The following MLPH variants were observed in gnomAD, a reference collection of about 807,000 sequenced individuals.
The protein encoded by MLPH is exophilin-3.
A neutral mutation model predicts 72.1 loss-of-function variants in MLPH; 51 were observed. The ratio of observed to expected loss-of-function variants is 0.71; its 90% CI spans 0.56 to 0.89. The LOEUF (loss-of-function observed/expected upper bound fraction) is 0.89, where lower values mean the gene tolerates loss of function less well. Among genes scored for constraint, MLPH ranks in the 40% least tolerant of loss-of-function variants. The pLI, the probability that MLPH is intolerant of heterozygous loss-of-function variation, is 0.00. For synonymous variants in MLPH, 301 were observed against 310.1 expected, an observed-to-expected ratio of 0.97 and a Z score of 0.31; for missense variants, 743 against 759.9, an observed-to-expected ratio of 0.98 and a Z score of 0.26.
Position 237,519,988 on chromosome 2 carries a change from C to A in MLPH, c.634C>A (p.Leu212Met), listed in dbSNP as rs145871473. The change falls in exon 6 of 16, where the codon CTG (leucine) becomes ATG (methionine). Residue 212 changes from leucine (L) to methionine (M), a missense_variant. By Grantham distance (15) the Leu-to-Met change is conservative. Coordinates refer to ENST00000264605, the MANE Select transcript of MLPH (RefSeq NM_024101.7). Reference sequence around the variant, plus strand: ...CTCCACTCAGCCTCAAGGTCACTCCCTGCACCTGTCCTCAGTCCCTGAGGC... The same window carrying A: ...CTCCACTCAGCCTCAAGGTCACTCCATGCACCTGTCCTCAGTCCCTGAGGC... ...DDSTQPQGHSLHLSSVPEARD... is the reference protein window; with the variant it reads ...DDSTQPQGHSMHLSSVPEARD... 6.2e-7 allele frequency: 1 copy of A among 1,614,088 alleles called. No homozygotes were observed. The highest frequency in any genetic ancestry group is 2.2e-5 in the East Asian group (1 of 44,878).
intron 2 of MLPH, among the ~76,000 whole-genome samples, chr2:237,496,217 A>G (rs1210900153): frequency 6.6e-6 from 1 of 152,164 alleles, no homozygotes; most frequent in Non-Finnish European, 1.5e-5. Context: ...TCATTGCCTG[A>G]GTATAGGCGA....
intron 2 of MLPH, among the ~76,000 whole-genome samples, chr2:237,503,790 C>CTG (rs1171329442): frequency 2.0e-5 from 3 of 152,184 alleles, no homozygotes; most frequent in Non-Finnish European, 2.9e-5. Flanking sequence ...CCCCTACAGG[C>CTG]TGTGGGGATG....
In MLPH at chr2:237,554,739, C is replaced by A. The variant is rs975870667; in HGVS notation, c.*1147C>A. On this transcript the variant is annotated 3_prime_UTR_variant, in exon 16 of 16. Coordinates refer to ENST00000264605, the MANE Select transcript of MLPH (RefSeq NM_024101.7). ...AAGCCTTGTGTCTTCAAGCATTGAC[C>A]AAGTTAAGTGTTTCCTTCCCTCTCT... 4 of 152,130 alleles carry A rather than the reference C, an allele frequency of 2.6e-5. No homozygotes were observed. Among genetic ancestry groups the A allele is most frequent in the Admixed American group, 2.0e-4 (3 of 15,272 alleles). The allele number at this position is 152,130 out of a possible 1,614,324, so 9.4% of individuals were successfully genotyped here.
At chr2:237,548,820 A>G (rs1195190046) in intron 13 of MLPH, among the ~76,000 whole-genome samples, 1 of 152,222 alleles carries the variant, frequency 6.6e-6, no homozygotes, top group Non-Finnish European at 1.5e-5. Context: ...CGGAGCTTGC[A>G]GTGAGCCGCG....
intron 9 of MLPH, among the ~76,000 whole-genome samples, chr2:237,535,270 A>C (rs1214524377): frequency 1.3e-5 from 2 of 152,088 alleles, no homozygotes; most frequent in Non-Finnish European, 2.9e-5. Context: ...GGAATGAATA[A>C]CAAATTCATT....
intron 6 of MLPH, among the ~76,000 whole-genome samples, chr2:237,520,698 A>T (rs574653371): frequency 1.9e-4 from 29 of 152,224 alleles, no homozygotes; most frequent in African/African-American, 5.5e-4. Context: ...TAGGAGTAGG[A>T]TTAGAAGGGA....
chr2:237,538,188 G>A (rs984607661), intron 9 of MLPH, among the ~76,000 whole-genome samples: 1 of 152,200 alleles, frequency 6.6e-6, no homozygotes, highest in Non-Finnish European at 1.5e-5. Context: ...ATCTGGGAGA[G>A]GCAGGAAACA....
At position 237,512,295 on chromosome 2, in the gene MLPH, C is replaced by T. The variant is rs2079921722; in HGVS notation, c.445+1194C>T. 6.6e-6 allele frequency among the ~76,000 whole-genome samples: 1 copy of T among 152,234 alleles called. No homozygotes were observed. The highest frequency in any genetic ancestry group is 6.5e-5 in the Admixed American group (1 of 15,288). ...GCATAGACACCTTTGAGCATTCAAG[C>T]TCTCGCCGGGCCTGCTGCAGGCATT... On this transcript the variant is annotated intron_variant, in intron 4 of 15. Coordinates refer to ENST00000264605, the MANE Select transcript of MLPH (RefSeq NM_024101.7). This position sits in a 1 kb window ranked among gnomAD's most constrained non-coding sequence, Gnocchi z 5.5.
At position 237,537,167 on chromosome 2, in the gene MLPH, G is replaced by A. The variant is rs1055650726; in HGVS notation, c.1104+2520G>A. Among the ~76,000 whole-genome samples the A allele has an allele frequency of 1.3e-5, 2 of 152,242 alleles. 1 individual carries two copies. Among genetic ancestry groups the A allele is most frequent in the South Asian group, 4.1e-4 (2 of 4,836 alleles). ...ATCCCTGGCAAACAAGGACGAGTTA[G>A]TCACCCTGGCTGTGTCCCGCCATGC... is the stretch of plus-strand genomic sequence containing the variant. On this transcript the variant is annotated intron_variant, in intron 9 of 15. Transcript: ENST00000264605.
chr2:237,513,222 G>A (rs2079944772), intron 4 of MLPH, among the ~76,000 whole-genome samples: 1 of 152,196 alleles, frequency 6.6e-6, no homozygotes, highest in South Asian at 2.1e-4. Flanking sequence ...GGTCTTCATT[G>A]AGTGAACCTT....
chr2:237,526,796 G>C (rs1305999345), intron 7 of MLPH, among the ~76,000 whole-genome samples: 1 of 152,190 alleles, frequency 6.6e-6, no homozygotes. Context: ...TGGTAAGAAA[G>C]GGGTATGCTT....
rs2106381786 is a variant in MLPH at position 237,542,595 on chromosome 2, C to T, written c.1475C>T (p.Ala492Val). The change falls in exon 12 of 16, where the codon GCC (alanine) becomes GTC (valine). Residue 492 changes from alanine to valine, a missense_variant. Coordinates refer to ENST00000264605, the MANE Select transcript of MLPH (RefSeq NM_024101.7). ...EVSDIESRIA[A>V]LRAAGLTVKP... ...TCAGACATTGAATCCAGGATTGCAG[C>T]CCTGAGGGCCGCAGGGCTCACGGTG... is the stretch of plus-strand genomic sequence containing the variant. 1.2e-6 allele frequency: 2 copies of T among 1,604,070 alleles called. No individual in the cohort carries two copies. The highest frequency in any genetic ancestry group is 1.7e-6 in the Non-Finnish European group (2 of 1,176,268).
chr2:237,553,800 G>T lies in MLPH; in HGVS notation c.*208G>T, dbSNP rs941593018. On this transcript the variant is annotated 3_prime_UTR_variant, in exon 16 of 16. Coordinates refer to ENST00000264605, the MANE Select transcript of MLPH (RefSeq NM_024101.7). Reference sequence around the variant, plus strand: ...TCACCTGGGTTTACTGATGACTCCTGGCTGCCCCACCATCCTCTCTGATCT... The same window carrying T: ...TCACCTGGGTTTACTGATGACTCCTTGCTGCCCCACCATCCTCTCTGATCT... 8.6e-5 allele frequency: 64 copies of T among 747,168 alleles called. No individual in the cohort carries two copies. Among genetic ancestry groups the T allele is most frequent in the Non-Finnish European group, 1.1e-4 (47 of 409,190 alleles). The allele number at this position is 747,168 out of a possible 1,614,324, so 46.3% of individuals were successfully genotyped here.
intron 15 of MLPH, 109 bp downstream of exon 15, chr2:237,552,546 A>C: frequency 1.1e-6 from 1 of 949,296 alleles, no homozygotes; most frequent in Non-Finnish European, 1.6e-6. Context: ...AAACAAAACA[A>C]AGATTCAGAC....
chr2:237,553,224 A>G, intron 15 of MLPH: 1 of 490,754 alleles, frequency 2.0e-6, no homozygotes, highest in Non-Finnish European at 4.1e-6. Context: ...GGAGGGGACC[A>G]ATCCGAGGTA....
In MLPH at chr2:237,549,209, T is replaced by C. The variant is rs1361045723; in HGVS notation, c.1618-12T>C. Reference sequence around the variant, plus strand: ...AACTTGATGAAGCCTGGAGACACTCTGTTTCTTCTAGGCAATGGCTGTGCC... The same window carrying C: ...AACTTGATGAAGCCTGGAGACACTCCGTTTCTTCTAGGCAATGGCTGTGCC... On this transcript the variant is annotated splice_polypyrimidine_tract_variant and intron_variant, in intron 13 of 15. Transcript: ENST00000264605. 2 of 1,613,148 alleles carry C rather than the reference T, an allele frequency of 1.2e-6. No individual in the cohort carries two copies. Among genetic ancestry groups the C allele is most frequent in the Admixed American group, 1.7e-5 (1 of 60,024 alleles).
chr2:237,493,092 C>T (rs1221568380), intron 1 of MLPH, among the ~76,000 whole-genome samples: 1 of 152,208 alleles, frequency 6.6e-6, no homozygotes, highest in African/African-American at 2.4e-5. Context: ...GGAGAGGAGC[C>T]ATGCCCCTGG....
intron 4 of MLPH, among the ~76,000 whole-genome samples, chr2:237,516,215 G>A (rs748081302): frequency 6.6e-6 from 1 of 152,222 alleles, no homozygotes; most frequent in Non-Finnish European, 1.5e-5. Context: ...GTAGAAAGGT[G>A]GATGGTCCAC....
At chr2:237,538,551 C>T (rs2080589721) in intron 9 of MLPH, among the ~76,000 whole-genome samples, 1 of 152,186 alleles carries the variant, frequency 6.6e-6, no homozygotes, top group Non-Finnish European at 1.5e-5. Flanking sequence ...CGCTGTCCGA[C>T]GTGTCACTGT....
Sources: gnomAD v4.1 joint callset for allele counts (sites outside exome capture counted in the v4.1 genomes callset) on GRCh38, gnomAD v4.1.1 for gene constraint, Gnocchi (gnomAD v3.1) non-coding constraint, MANE v1.5 for transcripts, NCBI Gene and HGNC (gene_info 2026-07-23, HGNC 2026-07-21) for gene names.